Variants in OTOF observed in about 807,000 individuals in gnomAD.
OTOF encodes the protein fer-1-like family member 2.
OTOF carries 218 observed loss-of-function variants against 236.8 expected under a neutral mutation model. The observed-to-expected ratio is 0.92, with a 90% CI of 0.82 to 1.03. OTOF has a LOEUF of 1.03. Ranked by LOEUF, OTOF falls within the 50% of genes least tolerant of loss-of-function variation. The pLI, the probability that OTOF is intolerant of heterozygous loss-of-function variation, is 0.00. For missense variants in OTOF, 2,590 were observed against 2,694.4 expected (o/e 0.96, Z 0.86); for synonymous variants, 1,041 against 1,072.5 (o/e 0.97, Z 0.57).
rs1450356513 is a variant in OTOF at position 26,498,289 on chromosome 2, G to A, written c.766-3216C>T. On this transcript the variant is annotated intron_variant, in intron 8 of 46. Transcript: ENST00000272371. Reference sequence around the variant, plus strand: ...GGCAGAGGCTTGAAGGAGCAACGGAGGGAAGAGAAGCTCCAGAGGGTGCTC... The same window carrying A: ...GGCAGAGGCTTGAAGGAGCAACGGAAGGAAGAGAAGCTCCAGAGGGTGCTC... Among the ~76,000 whole-genome samples the A allele has an allele frequency of 3.9e-5, 6 of 152,200 alleles. No individual in the cohort carries two copies. The East Asian group carries it at 7.7e-4, about 20-fold the overall frequency.
Position 26,463,496 on chromosome 2 carries a change from G to T in OTOF, c.5179C>A (p.Arg1727=). Residue 1727 remains arginine (R), a synonymous_variant, in exon 41 of 47, where the codon CGG becomes AGG. Coordinates refer to ENST00000272371, the MANE Select transcript of OTOF (RefSeq NM_194248.3). Reference sequence around the variant, plus strand: ...CAGGCCGCTCACTTCTTGGGCTTCCGAGGTGAGATGTCCAGAGGCGTCCCA... The same window carrying T: ...CAGGCCGCTCACTTCTTGGGCTTCCTAGGTGAGATGTCCAGAGGCGTCCCA... ...APGTPLDISP[R]KPKKYELRVI... 1 of 1,605,210 alleles carries T rather than the reference G, an allele frequency of 6.2e-7. No homozygotes were observed. Among genetic ancestry groups the T allele is most frequent in the Non-Finnish European group, 8.5e-7 (1 of 1,176,168 alleles).
rs1255996872 is a variant in OTOF, at chr2:26,477,190, C to T, written c.2505G>A (p.Leu835=). 8 of 1,610,792 alleles carry T rather than the reference C, an allele frequency of 5.0e-6. No individual in the cohort carries two copies. Among genetic ancestry groups the T allele is most frequent in the Non-Finnish European group, 6.8e-6 (8 of 1,179,644 alleles). The part of the protein sequence containing the change: ...LRLCQNFLQK[L]RFLADEPQHS... ...GCCGCACCTCGTCCGCCAGGAAGCG[C>T]AGCTTCTGCAGGAAGTTCTGGCACA... Residue 835 remains leucine (L), a synonymous_variant, in exon 21 of 47, where the codon CTG becomes CTA. Transcript: ENST00000272371. The surrounding 1 kb of genome is among the most constrained non-coding windows in gnomAD (Gnocchi z 4.7).
intron 3 of OTOF, among the ~76,000 whole-genome samples, chr2:26,522,550 T>G (rs1333512812): frequency 6.6e-6 from 1 of 152,142 alleles, no homozygotes; most frequent in African/African-American, 2.4e-5. Flanking sequence ...GCACACATAG[T>G]AGGTTCTTAC....
At chr2:26,484,337 G>A in intron 12 of OTOF, 137 bp downstream of exon 12, 1 of 890,438 alleles carries the variant, frequency 1.1e-6, no homozygotes, top group Non-Finnish European at 1.8e-6. Context: ...TCGGAAGAGT[G>A]GGGCTGCTTG....
At position 26,516,466 on chromosome 2, in the gene OTOF, G is replaced by A. The variant is rs779197503; in HGVS notation, c.461C>T (p.Pro154Leu). ...KDSQETDGLL[P>L]GSRPSSRPPG... is the part of the protein sequence containing the mutation. The stretch of plus-strand genomic sequence containing the variant: ...GGGCCGGGAGCTGGGCCGGGAGCCT[G>A]GGAGCAGTCCATCCGTCTCTTGGCT... The change falls in exon 5 of 47, where the codon CCA (proline) becomes CTA (leucine). Residue 154 changes from proline to leucine, a missense_variant. Pro to Leu is a moderately conservative substitution (Grantham distance 98). This residue lies in a region of OTOF where 1,379 missense variants were observed against 1,341.6 expected (regional missense o/e 1.03). Coordinates refer to ENST00000272371, the MANE Select transcript of OTOF (RefSeq NM_194248.3). The A allele has an allele frequency of 1.2e-6, 2 of 1,613,844 alleles. No individual in the cohort carries two copies. The highest frequency in any genetic ancestry group is 1.3e-5 in the African/African-American group (1 of 74,906).
chr2:26,463,354 C>T, intron 41 of OTOF, 129 bp downstream of exon 41: 1 of 781,702 alleles, frequency 1.3e-6, no homozygotes, highest in Admixed American at 2.0e-5. Flanking sequence ...AGTGGCCACA[C>T]CCAGGCCCCA....
intron 9 of OTOF, among the ~76,000 whole-genome samples, chr2:26,492,860 C>T (rs765132331): frequency 2.0e-5 from 3 of 152,114 alleles, no homozygotes; most frequent in Non-Finnish European, 2.9e-5. Context: ...TGGGCCCTGC[C>T]GGGTGAGTAG....
intron 1 of OTOF, among the ~76,000 whole-genome samples, chr2:26,553,031 C>T (rs757181362): frequency 6.7e-4 from 102 of 152,308 alleles, no homozygotes; most frequent in Middle Eastern, 3.4e-3. Flanking sequence ...CAAATAGTAG[C>T]TATATTTATC....
chr2:26,531,923 G>T (rs1343121324), intron 2 of OTOF, among the ~76,000 whole-genome samples: 8 of 151,862 alleles, frequency 5.3e-5, no homozygotes, highest in Non-Finnish European at 8.8e-5. Context: ...GTGAAACACG[G>T]TCTCTACTAA....
Position 26,482,689 on chromosome 2 carries a change from A to G in OTOF, c.1393-97T>C, listed in dbSNP as rs184478339. On this transcript the variant is annotated intron_variant, in intron 13 of 46. Transcript: ENST00000272371. ...TGGGCGCATGTGTGCGTGAGTGGGC[A>G]CATGTGTGCATGTGTGAGTGGGTGT... The G allele has an allele frequency of 3.3e-4, 316 of 957,980 alleles. 2 individuals are homozygous for G. In the African/African-American group the frequency reaches 4.7e-3, roughly 14 times the overall value. The allele number at this position is 957,980 out of a possible 1,614,324, so 59.3% of individuals were successfully genotyped here. A position where few individuals can be genotyped will look rare whatever the true frequency, so the allele number is the denominator to read the frequency against.
intron 41 of OTOF, 84 bp downstream of exon 41, chr2:26,463,399 G>GC (rs1260706126): frequency 7.7e-6 from 9 of 1,162,654 alleles, no homozygotes; most frequent in East Asian, 2.5e-5. Flanking sequence ...CTGGACCTGA[G>GC]CCCCCCGCAG....
chr2:26,486,026 G>A (rs1665690450), intron 11 of OTOF, among the ~76,000 whole-genome samples: 1 of 152,216 alleles, frequency 6.6e-6, no homozygotes, highest in Admixed American at 6.5e-5. Context: ...ATGAATGGGT[G>A]CATAAATGGG....
chr2:26,473,544 G>T lies in OTOF; in HGVS notation c.3432C>A (p.Asp1144Glu), dbSNP rs1407470190. Residue 1144 changes from aspartate to glutamate, a missense_variant, in exon 28 of 47, where the codon GAC becomes GAA. By Grantham distance (45) the Asp-to-Glu change is conservative. This residue lies in a region of OTOF where 1,211 missense variants were observed against 1,352.8 expected (regional missense o/e 0.90). Coordinates refer to ENST00000272371, the MANE Select transcript of OTOF (RefSeq NM_194248.3). The surrounding 1 kb of genome is among the most constrained non-coding windows in gnomAD (Gnocchi z 7.2). ...RVEVLFWGLR[D>E]LKRVNLAQVD... ...CCTGGGCCAGGTTCACCCGCTTTAG[G>T]TCCCGTAGGCCCCAGAACAGCACCT... The T allele has an allele frequency of 6.2e-7, 1 of 1,609,982 alleles. No individual in the cohort carries two copies. The highest frequency in any genetic ancestry group is 8.5e-7 in the Non-Finnish European group (1 of 1,179,382).
intron 12 of OTOF, 74 bp downstream of exon 12, chr2:26,484,400 A>G (rs1665649414): frequency 1.3e-6 from 2 of 1,544,808 alleles, no homozygotes; most frequent in Non-Finnish European, 1.8e-6. Context: ...GCTCTCAGCA[A>G]ACCCTCACCG....
Position 26,540,694 on chromosome 2 carries a change from G to A in OTOF, c.80-2920C>T, listed in dbSNP as rs1184158207. Among the ~76,000 whole-genome samples the A allele has an allele frequency of 2.0e-5, 3 of 152,034 alleles. No homozygotes were observed. In the East Asian group the frequency reaches 5.8e-4, roughly 29 times the overall value. On this transcript the variant is annotated intron_variant, in intron 1 of 46. Coordinates refer to ENST00000272371, the MANE Select transcript of OTOF (RefSeq NM_194248.3). ...GATGTCAGATCCACTGAAACAGAGA[G>A]TGTGGATGCAGTCTGAAAGGGTGTG...
intron 1 of OTOF, among the ~76,000 whole-genome samples, chr2:26,539,224 A>G (rs1667152894): frequency 6.6e-6 from 1 of 152,204 alleles, no homozygotes. Context: ...TGGAACCACA[A>G]GAGAAGGGGT....
chr2:26,557,846 G>A (rs1399199222), intron 1 of OTOF, among the ~76,000 whole-genome samples: 1 of 151,576 alleles, frequency 6.6e-6, no homozygotes, highest in African/African-American at 2.4e-5. Context: ...AGGCTCCTTG[G>A]GGCTGGGGCT....
rs781356376 is a variant in OTOF at position 26,473,585 on chromosome 2, G to A, written c.3409-18C>T. On this transcript the variant is annotated intron_variant, in intron 27 of 46. Transcript: ENST00000272371. The surrounding 1 kb of genome is among the most constrained non-coding windows in gnomAD (Gnocchi z 7.2). ...AACAGCACCTGGGAGAGGTTGGAGG[G>A]TGGGTGCAGAGAAGAGAGCCCCTTA... 19 of 1,592,660 alleles carry A rather than the reference G, an allele frequency of 1.2e-5. No individual in the cohort carries two copies. Among genetic ancestry groups the A allele is most frequent in the Non-Finnish European group, 8.5e-7 (1 of 1,173,190 alleles).
At position 26,460,875 on chromosome 2, in the gene OTOF, C is replaced by T; in HGVS notation, c.5689G>A (p.Glu1897Lys). The T allele has an allele frequency of 5.6e-6, 9 of 1,614,208 alleles. No individual in the cohort carries two copies. The highest frequency in any genetic ancestry group is 7.6e-6 in the Non-Finnish European group (9 of 1,180,022). ...KGWWPLLARNENDEFELTGKV... is the reference protein window; with the variant it reads ...KGWWPLLARNKNDEFELTGKV... ...ACCGTGAGCTCAAACTCATCGTTCT[C>T]ATTGCGGGCCAGGAGGGGCCACCAG... is the stretch of plus-strand genomic sequence containing the variant. Residue 1897 changes from glutamate (E) to lysine (K), a missense_variant, in exon 44 of 47, where the codon GAG (glutamate) becomes AAG (lysine). Around this residue, in one of 2 missense-constraint regions of OTOF, gnomAD observed 1,211 missense variants for 1,352.8 expected, o/e 0.90. Coordinates refer to ENST00000272371, the MANE Select transcript of OTOF (RefSeq NM_194248.3). The surrounding 1 kb of genome is among the most constrained non-coding windows in gnomAD (Gnocchi z 5.3).
Sources: gnomAD v4.1 joint callset for allele counts (sites outside exome capture counted in the v4.1 genomes callset) on GRCh38, gnomAD v4.1.1 for gene constraint, gnomAD v4.1.1 regional missense constraint, Gnocchi (gnomAD v3.1) non-coding constraint, MANE v1.5 for transcripts, NCBI Gene and HGNC (gene_info 2026-07-23, HGNC 2026-07-21) for gene names.